VRK2: variants seen among roughly 807,000 people sequenced by gnomAD.
VRK2 encodes the protein serine/threonine-protein kinase VRK2.
VRK2 carries 60 observed loss-of-function variants against 57.6 expected under a neutral mutation model. The ratio of observed to expected loss-of-function variants is 1.04; its 90% CI spans 0.85 to 1.29. The LOEUF (loss-of-function observed/expected upper bound fraction) is 1.29. Among genes scored for constraint, VRK2 ranks in the 50% most tolerant of loss-of-function variants. The pLI is 0.00. For synonymous variants in VRK2, 231 were observed against 199.2 expected, an observed-to-expected ratio of 1.16 and a Z score of -1.35; for missense variants, 705 against 588.1, an observed-to-expected ratio of 1.20 and a Z score of -2.06.
intron 1 of VRK2, among the ~76,000 whole-genome samples, chr2:57,951,724 A>C (rs913926663): frequency 1.3e-5 from 2 of 152,134 alleles, no homozygotes; most frequent in African/African-American, 2.4e-5. Flanking sequence ...CTGAAGGCTC[A>C]GATGATTGTT....
intron 1 of VRK2, among the ~76,000 whole-genome samples, chr2:57,991,894 G>T (rs867337504): frequency 4.0e-5 from 6 of 150,868 alleles, no homozygotes; most frequent in Non-Finnish European, 5.9e-5. Flanking sequence ...GGAGGCGGAG[G>T]TTGCAGTGAG....
chr2:57,972,331 T>G (rs1672121815), intron 1 of VRK2, among the ~76,000 whole-genome samples: 1 of 151,236 alleles, frequency 6.6e-6, no homozygotes, highest in Admixed American at 6.6e-5. Context: ...TCAACTTCCT[T>G]AATTTTTAAA....
chr2:57,916,764 T>C (rs1670169495), intron 1 of VRK2, among the ~76,000 whole-genome samples: 1 of 152,136 alleles, frequency 6.6e-6, no homozygotes, highest in African/African-American at 2.4e-5. Context: ...AGAAAAGCCA[T>C]TTACAGAAGT....
chr2:58,000,456 A>C (rs1479269602), intron 1 of VRK2, among the ~76,000 whole-genome samples: 1 of 152,098 alleles, frequency 6.6e-6, no homozygotes, highest in East Asian at 1.9e-4. Context: ...CCCATACTTC[A>C]TTTTTTCTTC....
intron 7 of VRK2, among the ~76,000 whole-genome samples, chr2:58,096,044 A>G (rs1188717955): frequency 6.6e-6 from 1 of 152,078 alleles, no homozygotes. Flanking sequence ...TTTAACATCT[A>G]TAGAAGTAAT....
chr2:58,050,849 C>CT (rs1300849485), intron 2 of VRK2, among the ~76,000 whole-genome samples: 112 of 145,498 alleles, frequency 7.7e-4, no homozygotes, highest in Non-Finnish European at 6.9e-4. Context: ...CATATTTTTA[C>CT]TTTTTTTTTT....
At chr2:58,047,239 T>G (rs1368061689) in intron 1 of VRK2, 1 of 286,306 alleles carries the variant, frequency 3.5e-6, no homozygotes, top group Non-Finnish European at 5.2e-6. Context: ...ACCAGGCGGC[T>G]GGGCCGCGCT....
intron 2 of VRK2, among the ~76,000 whole-genome samples, chr2:58,031,474 T>C (rs1456481073): frequency 1.3e-5 from 2 of 152,008 alleles, no homozygotes; most frequent in Admixed American, 1.3e-4. Context: ...TAGGCTTCAG[T>C]AAGGGCAGAG....
Position 58,110,192 on chromosome 2 carries a change from T to C in VRK2, c.544-12909T>C, listed in dbSNP as rs564559929. ...TCAAAGGCTAATTTGCTTTTCATCT[T>C]CATTCCATTCTTTAATCAAGGCTGT... is the stretch of plus-strand genomic sequence containing the variant. On this transcript the variant is annotated intron_variant, in intron 7 of 12. Transcript: ENST00000340157. Among the ~76,000 whole-genome samples the C allele has an allele frequency of 1.1e-3, 172 of 152,336 alleles. 1 individual carries two copies. The highest frequency in any genetic ancestry group is 4.0e-3 in the African/African-American group (165 of 41,580).
intron 12 of VRK2, among the ~76,000 whole-genome samples, chr2:58,157,374 G>T (rs995628697): frequency 6.6e-6 from 1 of 152,072 alleles, no homozygotes; most frequent in African/African-American, 2.4e-5. Context: ...TTTGTTGTGG[G>T]GGTGCTGTCC....
intron 8 of VRK2, 147 bp from the exon 9 acceptor site, chr2:58,131,661 G>GT (rs1679206858): frequency 2.0e-6 from 2 of 1,011,990 alleles, no homozygotes; most frequent in African/African-American, 1.6e-5. Flanking sequence ...ATGCTTGGGC[G>GT]TTTAAGTTTT....
intron 7 of VRK2, among the ~76,000 whole-genome samples, chr2:58,101,218 AT>A (rs1347985618): frequency 6.6e-6 from 1 of 151,722 alleles, no homozygotes; most frequent in Admixed American, 6.6e-5. Flanking sequence ...TACATATATA[AT>A]TTTCCCTGCA....
intron 1 of VRK2, chr2:58,048,474 A>G (rs913861350): frequency 1.5e-5 from 16 of 1,036,884 alleles, no homozygotes; most frequent in African/African-American, 3.4e-5. Flanking sequence ...TTCCATGTAC[A>G]TGAAATTTAT....
At chr2:58,030,114 G>A (rs565224353) in intron 2 of VRK2, among the ~76,000 whole-genome samples, 10 of 152,154 alleles carry the variant, frequency 6.6e-5, no homozygotes, top group African/African-American at 1.9e-4. Flanking sequence ...TTATAAAGCC[G>A]TTGCTGTATT....
chr2:58,050,848 A>G (rs1462975669), intron 2 of VRK2, among the ~76,000 whole-genome samples: 1 of 151,198 alleles, frequency 6.6e-6, no homozygotes, highest in South Asian at 2.1e-4. Context: ...ACATATTTTT[A>G]CTTTTTTTTT....
chr2:57,940,131 T>C (rs1671046359), intron 1 of VRK2, among the ~76,000 whole-genome samples: 1 of 152,174 alleles, frequency 6.6e-6, no homozygotes, highest in African/African-American at 2.4e-5. Flanking sequence ...TATAGAGAGA[T>C]TTATTATGAT....
intron 10 of VRK2, among the ~76,000 whole-genome samples, chr2:58,136,833 T>G (rs1459939773): frequency 1.4e-5 from 2 of 140,622 alleles, no homozygotes; most frequent in African/African-American, 5.5e-5. Flanking sequence ...TGTGTATATA[T>G]ATCATATATA....
intron 11 of VRK2, 88 bp from the exon 12 acceptor site, chr2:58,146,228 G>C: frequency 8.6e-7 from 1 of 1,162,434 alleles, no homozygotes; most frequent in Non-Finnish European, 1.2e-6. Context: ...GGCAAGTTTA[G>C]AGCTTTTAAG....
At chr2:57,925,242 C>A (rs916046475) in intron 1 of VRK2, among the ~76,000 whole-genome samples, 4 of 151,780 alleles carry the variant, frequency 2.6e-5, no homozygotes, top group African/African-American at 9.7e-5. Context: ...GAAAGTATTC[C>A]CTCCTGCTCT....
Sources: allele counts gnomAD v4.1 joint callset (sites outside exome capture counted in the v4.1 genomes callset), GRCh38; gene constraint gnomAD v4.1.1; transcripts MANE v1.5; gene names NCBI Gene and HGNC (gene_info 2026-07-23, HGNC 2026-07-21).